Variants in CCSER1 observed in about 807,000 individuals in gnomAD.
The protein encoded by CCSER1 is coiled-coil serine rich protein 1, also known as serine-rich coiled-coil domain-containing protein 1.
A neutral mutation model predicts 82.0 loss-of-function variants in CCSER1; 41 were observed. The ratio of observed to expected loss-of-function variants is 0.50; its 90% CI spans 0.39 to 0.65. CCSER1 has a LOEUF of 0.65. Among genes scored for constraint, CCSER1 ranks in the 30% least tolerant of loss-of-function variants. CCSER1 has a pLI of 0.00. For synonymous variants in CCSER1, 414 were observed against 383.9 expected (o/e 1.08, Z -0.92); for missense variants, 1,119 against 1,064.2 (o/e 1.05, Z -0.72).
chr4:91,199,829 GT>G (rs375557963), intron 10 of CCSER1, among the ~76,000 whole-genome samples: 47 of 150,444 alleles, frequency 3.1e-4, no homozygotes, highest in East Asian at 2.1e-3. Flanking sequence ...GTGATTATAG[GT>G]TTTTTTTTAA....
chr4:90,440,910 G>A (rs549949860), intron 4 of CCSER1, among the ~76,000 whole-genome samples: 17 of 152,052 alleles, frequency 1.1e-4, no homozygotes, highest in African/African-American at 3.1e-4. Context: ...TATTCTCAGA[G>A]AGCTTTAACT....
chr4:90,965,781 A>G (rs191718238), intron 9 of CCSER1, among the ~76,000 whole-genome samples: 1 of 152,114 alleles, frequency 6.6e-6, no homozygotes, highest in Non-Finnish European at 1.5e-5. Context: ...GACACAAGAA[A>G]GTGTGACTCA....
rs546265761 is a variant in CCSER1 at position 91,269,292 on chromosome 4, C to A, written c.2217+183298C>A. Among the ~76,000 whole-genome samples the A allele has an allele frequency of 2.0e-5, 3 of 152,298 alleles. No homozygotes were observed. In the South Asian group the frequency reaches 6.2e-4, roughly 32 times the overall value. On this transcript the variant is annotated intron_variant, in intron 10 of 10. Transcript: ENST00000509176. ...AGCAAAAATCTAAATAAGCACAAAA[C>A]TAGTAGCCATTTCTTGTATAAGTAC...
intron 4 of CCSER1, among the ~76,000 whole-genome samples, chr4:90,440,896 G>A (rs11097251): frequency 0.056 from 8,480 of 152,082 alleles, 597 homozygotes; most frequent in East Asian, 0.37. Context: ...GAAGACACTT[G>A]CCCTATTCTC....
At chr4:90,363,881 G>A (rs755397581) in intron 3 of CCSER1, among the ~76,000 whole-genome samples, 1 of 152,086 alleles carries the variant, frequency 6.6e-6, no homozygotes, top group South Asian at 2.1e-4. Flanking sequence ...TCTGCAAAAA[G>A]ATGGGATTAT....
chr4:91,093,011 C>G (rs754795651), intron 10 of CCSER1, among the ~76,000 whole-genome samples: 1 of 152,106 alleles, frequency 6.6e-6, no homozygotes, highest in South Asian at 2.1e-4. Flanking sequence ...ATTTAATAGG[C>G]CTTTTTCTTT....
At chr4:91,541,984 A>G (rs918319533) in intron 10 of CCSER1, among the ~76,000 whole-genome samples, 3 of 152,136 alleles carry the variant, frequency 2.0e-5, no homozygotes, top group African/African-American at 7.2e-5. Context: ...GCCAGCGATG[A>G]TGAGCATTTT....
At chr4:91,185,372 T>C (rs992826171) in intron 10 of CCSER1, among the ~76,000 whole-genome samples, 5 of 152,314 alleles carry the variant, frequency 3.3e-5, no homozygotes, top group African/African-American at 1.2e-4. Flanking sequence ...CTGTATGTAT[T>C]TGTACACTTT....
chr4:90,483,670 T>C (rs1184311647), intron 5 of CCSER1, among the ~76,000 whole-genome samples: 1 of 152,082 alleles, frequency 6.6e-6, no homozygotes, highest in East Asian at 1.9e-4. Flanking sequence ...GAGTTGAAAA[T>C]TCTTTTCTTT....
intron 8 of CCSER1, among the ~76,000 whole-genome samples, chr4:90,907,629 G>A (rs11097277): frequency 0.47 from 70,955 of 151,838 alleles, 18,238 homozygotes; most frequent in African/African-American, 0.7. Context: ...TCTAATCTGC[G>A]TATGAAAGTA....
At chr4:91,446,425 T>C (rs1282717902) in intron 10 of CCSER1, among the ~76,000 whole-genome samples, 5 of 151,908 alleles carry the variant, frequency 3.3e-5, no homozygotes, top group African/African-American at 1.2e-4. Flanking sequence ...GAGTGTGCTC[T>C]AGAAATACTA....
At chr4:91,269,654 A>C (rs1284630251) in intron 10 of CCSER1, among the ~76,000 whole-genome samples, 1 of 152,232 alleles carries the variant, frequency 6.6e-6, no homozygotes, top group Non-Finnish European at 1.5e-5. Flanking sequence ...TTTTTATTTT[A>C]CTTGTGAATG....
In CCSER1 at chr4:90,200,929, T is replaced by C. The variant is rs1187674388; in HGVS notation, c.-42+73098T>C. Reference sequence around the variant, plus strand: ...CTTCCTGTCTTCAAGACTTTCAGTATGTGGGTGAAATCAGCAGCATTTTTT... The same window carrying C: ...CTTCCTGTCTTCAAGACTTTCAGTACGTGGGTGAAATCAGCAGCATTTTTT... On this transcript the variant is annotated intron_variant, in intron 1 of 10. Transcript: ENST00000509176. 2.6e-5 allele frequency among the ~76,000 whole-genome samples: 4 copies of C among 152,116 alleles called. No individual in the cohort carries two copies. The East Asian group carries it at 5.8e-4, about 22-fold the overall frequency.
At chr4:90,813,823 G>A (rs1297050865) in intron 7 of CCSER1, among the ~76,000 whole-genome samples, 1 of 152,126 alleles carries the variant, frequency 6.6e-6, no homozygotes, top group African/African-American at 2.4e-5. Flanking sequence ...CCAGGCACAT[G>A]GTGCAAGCTG....
intron 8 of CCSER1, among the ~76,000 whole-genome samples, chr4:90,841,577 CAAAAA>C (rs750390139): frequency 3.9e-5 from 2 of 50,922 alleles, no homozygotes; most frequent in African/African-American, 6.9e-5. Flanking sequence ...GACTCTGTCT[CAAAAA>C]AAAAAAAAAA....
chr4:90,865,469 G>A (rs1765615907), intron 8 of CCSER1, among the ~76,000 whole-genome samples: 1 of 151,802 alleles, frequency 6.6e-6, no homozygotes, highest in African/African-American at 2.4e-5. Flanking sequence ...TTTTTTAAAT[G>A]TCTACCTTCC....
intron 1 of CCSER1, among the ~76,000 whole-genome samples, chr4:90,142,312 C>T (rs1464153752): frequency 6.6e-6 from 1 of 152,182 alleles, no homozygotes; most frequent in East Asian, 1.9e-4. Flanking sequence ...GTCCATGAAA[C>T]CTTCCATGAC....
At chr4:91,157,557 G>C (rs1038182263) in intron 10 of CCSER1, among the ~76,000 whole-genome samples, 1 of 151,848 alleles carries the variant, frequency 6.6e-6, no homozygotes, top group African/African-American at 2.4e-5. Context: ...ATCTTAAACT[G>C]TCTGAACATC....
At chr4:90,605,953 A>G (rs1435728575) in intron 5 of CCSER1, among the ~76,000 whole-genome samples, 1 of 152,128 alleles carries the variant, frequency 6.6e-6, no homozygotes, top group Non-Finnish European at 1.5e-5. Context: ...TTAAATTGAT[A>G]CTTTTTATAA....
Sources: gnomAD v4.1 joint callset for allele counts (sites outside exome capture counted in the v4.1 genomes callset) on GRCh38, gnomAD v4.1.1 for gene constraint, MANE v1.5 for transcripts, NCBI Gene and HGNC (gene_info 2026-07-23, HGNC 2026-07-21) for gene names.